The following RGS5 variants were observed in gnomAD, a reference collection of about 807,000 sequenced individuals.
RGS5 encodes regulator of G protein signaling 5.
A neutral mutation model predicts 18.9 loss-of-function variants in RGS5; 20 were observed. The ratio of observed to expected loss-of-function variants is 1.06; its 90% CI spans 0.74 to 1.54. The LOEUF (loss-of-function observed/expected upper bound fraction) is 1.54. RGS5 is among the 40% of genes most tolerant of loss of function. The pLI, the probability that RGS5 is intolerant of heterozygous loss-of-function variation, is 0.00. For synonymous variants in RGS5, 57 were observed against 76.2 expected, an observed-to-expected ratio of 0.75 and a Z score of 1.31; for missense variants, 201 against 211.8, an observed-to-expected ratio of 0.95 and a Z score of 0.32.
At chr1:163,282,032 G>A (rs576540765) in intron 2 of RGS5, among the ~76,000 whole-genome samples, 21 of 148,114 alleles carry the variant, frequency 1.4e-4, no homozygotes, top group African/African-American at 4.2e-4. Flanking sequence ...TGAGACTTCA[G>A]AAGTGCACGC....
At chr1:163,245,613 AG>A (rs1647907190) in intron 2 of RGS5, among the ~76,000 whole-genome samples, 1 of 152,232 alleles carries the variant, frequency 6.6e-6, no homozygotes, top group Non-Finnish European at 1.5e-5. Context: ...AGAATGCAAA[AG>A]CAAATCCTAG....
At chr1:163,216,956 T>C (rs1208683216) in intron 1 of RGS5, among the ~76,000 whole-genome samples, 1 of 152,152 alleles carries the variant, frequency 6.6e-6, no homozygotes, top group Admixed American at 6.6e-5. Flanking sequence ...CAGCTCAAAG[T>C]GTGGTCCTTA....
intron 2 of RGS5, among the ~76,000 whole-genome samples, chr1:163,284,563 C>T (rs548875915): frequency 6.6e-6 from 1 of 152,030 alleles, no homozygotes; most frequent in East Asian, 1.9e-4. Context: ...TCTCTCAGAC[C>T]CTTTATGGAC....
chr1:163,143,330 A>C lies in RGS5; in HGVS notation c.*4012T>G, dbSNP rs1656998321. ...ACCAAACTTCATGTCCAAAACCTAC[A>C]TAGAATTGCCTACCCCTTGGGTTTC... On this transcript the variant is annotated 3_prime_UTR_variant, in exon 5 of 5. Transcript: ENST00000313961. 6.6e-6 allele frequency: 1 copy of C among 152,188 alleles called. No homozygotes were observed. The highest frequency in any genetic ancestry group is 2.1e-4 in the South Asian group (1 of 4,832). The allele number at this position is 152,188 out of a possible 1,614,324, so 9.4% of individuals were successfully genotyped here.
At chr1:163,208,347 C>CAAAAA (rs55848330) in intron 1 of RGS5, among the ~76,000 whole-genome samples, 16 of 37,878 alleles carry the variant, frequency 4.2e-4, no homozygotes, top group Non-Finnish European at 5.1e-4. Flanking sequence ...GACTCCGTCT[C>CAAAAA]AAAAAAAAAA....
At chr1:163,246,736 C>G (rs997880161) in intron 2 of RGS5, among the ~76,000 whole-genome samples, 1 of 152,110 alleles carries the variant, frequency 6.6e-6, no homozygotes, top group Non-Finnish European at 1.5e-5. Context: ...TCTAGATTTA[C>G]CTGCTGATTC....
intron 2 of RGS5, among the ~76,000 whole-genome samples, chr1:163,267,849 T>C (rs1260711009): frequency 6.6e-6 from 1 of 152,170 alleles, no homozygotes; most frequent in East Asian, 1.9e-4. Context: ...AAGTGATGCC[T>C]ACCCTTCATA....
intron 3 of RGS5, among the ~76,000 whole-genome samples, chr1:163,159,416 A>C (rs1657714052): frequency 6.6e-6 from 1 of 152,198 alleles, no homozygotes; most frequent in Non-Finnish European, 1.5e-5. Context: ...GGAACTAATA[A>C]ATGTCCATGA....
intron 3 of RGS5, among the ~76,000 whole-genome samples, chr1:163,159,337 A>G (rs1396119185): frequency 6.6e-6 from 1 of 152,210 alleles, no homozygotes; most frequent in African/African-American, 2.4e-5. Context: ...TGTCCATGAA[A>G]TCTTCACAAT....
intron 1 of RGS5, among the ~76,000 whole-genome samples, chr1:163,307,579 C>T (rs1470960036): frequency 6.6e-6 from 1 of 151,664 alleles, no homozygotes. Context: ...TACTGTACTT[C>T]TGCAACTTAA....
intron 1 of RGS5, among the ~76,000 whole-genome samples, chr1:163,174,510 G>A (rs1658454481): frequency 6.6e-6 from 1 of 152,144 alleles, no homozygotes. Flanking sequence ...GAGTCACGGA[G>A]GACTAAGATG....
At chr1:163,201,581 T>C (rs1385595722) in intron 1 of RGS5, among the ~76,000 whole-genome samples, 1 of 151,946 alleles carries the variant, frequency 6.6e-6, no homozygotes, top group Non-Finnish European at 1.5e-5. Flanking sequence ...TGGATCATAA[T>C]AAAAAAAAGT....
At chr1:163,275,346 T>C (rs1217090627) in intron 2 of RGS5, among the ~76,000 whole-genome samples, 1 of 152,156 alleles carries the variant, frequency 6.6e-6, no homozygotes, top group Non-Finnish European at 1.5e-5. Context: ...ATTTCACTGT[T>C]AAATGTCTGG....
intron 2 of RGS5, among the ~76,000 whole-genome samples, chr1:163,286,728 C>A (rs561031101): frequency 6.6e-6 from 1 of 152,152 alleles, no homozygotes; most frequent in Non-Finnish European, 1.5e-5. Context: ...GTAATCTCTG[C>A]CAGCTCAATA....
intron 2 of RGS5, among the ~76,000 whole-genome samples, chr1:163,290,684 G>A (rs1182202198): frequency 6.7e-6 from 1 of 149,240 alleles, no homozygotes; most frequent in Admixed American, 6.7e-5. Flanking sequence ...ATATTTCAAA[G>A]ATCTCACACT....
intron 2 of RGS5, among the ~76,000 whole-genome samples, chr1:163,166,321 TA>T (rs67608619): frequency 1.3e-5 from 2 of 151,764 alleles, no homozygotes; most frequent in African/African-American, 4.8e-5. Context: ...AAATACATGT[TA>T]AAAAATAGAA....
At chr1:163,158,061 G>C (rs1049515169) in intron 3 of RGS5, among the ~76,000 whole-genome samples, 2 of 152,056 alleles carry the variant, frequency 1.3e-5, no homozygotes, top group Non-Finnish European at 2.9e-5. Flanking sequence ...GCTAATGTTG[G>C]GTAATTTCTG....
intron 2 of RGS5, among the ~76,000 whole-genome samples, chr1:163,229,170 C>T (rs575928493): frequency 2.6e-5 from 4 of 152,206 alleles, no homozygotes; most frequent in South Asian, 4.2e-4. Flanking sequence ...CCCAAGACTG[C>T]GTAATATATA....
intron 2 of RGS5, among the ~76,000 whole-genome samples, chr1:163,253,131 A>G (rs1477951796): frequency 6.6e-6 from 1 of 152,174 alleles, no homozygotes; most frequent in Non-Finnish European, 1.5e-5. Flanking sequence ...TCTTCCTAAT[A>G]AAAACACAAG....
Sources: allele counts gnomAD v4.1 joint callset (sites outside exome capture counted in the v4.1 genomes callset), GRCh38; gene constraint gnomAD v4.1.1; transcripts MANE v1.5; gene names NCBI Gene and HGNC (gene_info 2026-07-23, HGNC 2026-07-21).